The following FIG4 variants were observed in gnomAD, a reference collection of about 807,000 sequenced individuals.
FIG4 encodes the protein polyphosphoinositide phosphatase.
Under a neutral mutation model 118.6 loss-of-function variants are expected in FIG4, and 112 were observed. The observed-to-expected ratio is 0.94, with a 90% CI of 0.81 to 1.11. The LOEUF (loss-of-function observed/expected upper bound fraction) is 1.11. Ranked by LOEUF, FIG4 falls within the 50% of genes least tolerant of loss-of-function variation. The pLI, the probability that FIG4 is intolerant of heterozygous loss-of-function variation, is 0.00. For synonymous variants in FIG4, 369 were observed against 381.2 expected (o/e 0.97, Z 0.37); for missense variants, 969 against 1,111.7 (o/e 0.87, Z 1.83).
chr6:109,802,900 C>T lies in FIG4; in HGVS notation c.2546+6049C>T, dbSNP rs1562692906. On this transcript the variant is annotated intron_variant, in intron 22 of 22. Transcript: ENST00000230124. ...CAGCTGAAAGTCAAAATGAAAAAAC[C>T]TTTTTTTTTGTTTTGTTTTTACAAT... 4.6e-5 allele frequency among the ~76,000 whole-genome samples: 7 copies of T among 151,318 alleles called. No individual in the cohort carries two copies. The South Asian group carries it at 1.5e-3, about 32-fold the overall frequency.
intron 8 of FIG4, among the ~76,000 whole-genome samples, chr6:109,742,618 A>G (rs940991727): frequency 6.6e-6 from 1 of 152,154 alleles, no homozygotes; most frequent in African/African-American, 2.4e-5. Flanking sequence ...ACATGTTATT[A>G]CTGCCTCTAA....
In FIG4 at chr6:109,825,158, A is replaced by G. The variant is rs199765196; in HGVS notation, c.2617A>G (p.Thr873Ala). The G allele has an allele frequency of 3.7e-6, 6 of 1,614,014 alleles. No individual in the cohort carries two copies. Among genetic ancestry groups the G allele is most frequent in the South Asian group, 1.1e-5 (1 of 91,084 alleles). ...GCCCCCAAGAGTAGACAGAAAATCTACAGAGATCTTCCAAGCCCACATCCA... is the reference window on the plus strand; with the variant it reads ...GCCCCCAAGAGTAGACAGAAAATCTGCAGAGATCTTCCAAGCCCACATCCA... The part of the protein sequence containing the change: ...VQPPRVDRKS[T>A]EIFQAHIQAS... The change falls in exon 23 of 23, where the codon ACA becomes GCA. Residue 873 changes from threonine (T) to alanine (A), a missense_variant. Transcript: ENST00000230124.
chr6:109,691,613 C>T, intron 1 of FIG4, 112 bp downstream of exon 1: 1 of 992,512 alleles, frequency 1.0e-6, no homozygotes, highest in Non-Finnish European at 1.6e-6. Context: ...TCTCCAGTTC[C>T]CAAATCCCTG....
chr6:109,705,601 G>A (rs1287438745), intron 1 of FIG4, among the ~76,000 whole-genome samples: 1 of 152,234 alleles, frequency 6.6e-6, no homozygotes, highest in African/African-American at 2.4e-5. Context: ...GAAGGATCTA[G>A]ATATTGGAAG....
chr6:109,804,185 G>C (rs769905660), intron 22 of FIG4, among the ~76,000 whole-genome samples: 1 of 151,980 alleles, frequency 6.6e-6, no homozygotes, highest in East Asian at 1.9e-4. Flanking sequence ...TCATATGAGG[G>C]GTATTACTCA....
intron 6 of FIG4, among the ~76,000 whole-genome samples, chr6:109,736,470 C>G (rs968063188): frequency 1.3e-5 from 2 of 152,140 alleles, no homozygotes; most frequent in Admixed American, 1.3e-4. Context: ...TTCAGACACT[C>G]TGGTGGTAAC....
chr6:109,815,496 C>CGGGGGGGGGGGGGGGG, intron 22 of FIG4, among the ~76,000 whole-genome samples: 1 of 106,522 alleles, frequency 9.4e-6, no homozygotes, highest in East Asian at 2.6e-4. Flanking sequence ...CTCCAGGCTG[C>CGGGGGGGGGGGGGGGG]CCCCCCCACC....
intron 22 of FIG4, among the ~76,000 whole-genome samples, chr6:109,822,263 G>A (rs1264667597): frequency 6.6e-6 from 1 of 152,030 alleles, no homozygotes; most frequent in African/African-American, 2.4e-5. Context: ...GGGCTTTTGG[G>A]TTGGTTGTCA....
rs769256280 is a variant in FIG4, at chr6:109,732,667, A to G, written c.477A>G (p.Leu159=). The G allele has an allele frequency of 8.5e-6, 13 of 1,531,394 alleles. No homozygotes were observed. In the East Asian group the frequency reaches 1.8e-4, roughly 21 times the overall value. 94.9% of individuals were successfully genotyped at this position (1,531,394 alleles called of 1,614,324 possible). A position where few individuals can be genotyped will look rare whatever the true frequency, so the allele number is the denominator to read the frequency against. The change falls in exon 5 of 23, where the codon CTA becomes CTG. Residue 159 remains leucine, a synonymous_variant. Coordinates refer to ENST00000230124, the MANE Select transcript of FIG4 (RefSeq NM_014845.6). ...TACGAATATTTCAAAATGTGGACCT[A>G]TCTAGCAATTTTTACTTTAGGTAAG... is the stretch of plus-strand genomic sequence containing the variant. ...RYLRIFQNVD[L]SSNFYFSYSY... is the part of the protein sequence containing the mutation.
intron 10 of FIG4, among the ~76,000 whole-genome samples, chr6:109,755,513 A>T (rs1776861403): frequency 6.6e-6 from 1 of 152,170 alleles, no homozygotes; most frequent in Non-Finnish European, 1.5e-5. Flanking sequence ...TGTGACGTTG[A>T]TCTGTCTAAT....
At chr6:109,762,006 A>G (rs771098335) in intron 11 of FIG4, 85 bp from the exon 12 acceptor site, 16 of 809,918 alleles carry the variant, frequency 2.0e-5, no homozygotes, top group South Asian at 4.2e-5. Context: ...TATCATTGCT[A>G]TAGACTTTAC....
chr6:109,734,256 A>G (rs1776095010), intron 5 of FIG4, among the ~76,000 whole-genome samples: 1 of 151,724 alleles, frequency 6.6e-6, no homozygotes, highest in Non-Finnish European at 1.5e-5. Flanking sequence ...AAAATATTCA[A>G]AATACCTTCT....
At chr6:109,771,253 T>A (rs1777450079) in intron 15 of FIG4, among the ~76,000 whole-genome samples, 1 of 152,138 alleles carries the variant, frequency 6.6e-6, no homozygotes, top group African/African-American at 2.4e-5. Context: ...AGTTTGTAAT[T>A]TATTACTCTT....
At chr6:109,822,783 G>A (rs1275703068) in intron 22 of FIG4, among the ~76,000 whole-genome samples, 4 of 120,664 alleles carry the variant, frequency 3.3e-5, no homozygotes, top group African/African-American at 1.1e-4. Context: ...GTGTGTGTGT[G>A]TATGTATATA....
chr6:109,731,510 C>G (rs1583659593), intron 4 of FIG4, among the ~76,000 whole-genome samples: 1 of 152,230 alleles, frequency 6.6e-6, no homozygotes, highest in East Asian at 1.9e-4. Flanking sequence ...ATGGGTTCCA[C>G]CTCTGTGAAT....
At chr6:109,761,246 A>C (rs1196747464) in intron 11 of FIG4, among the ~76,000 whole-genome samples, 1 of 152,168 alleles carries the variant, frequency 6.6e-6, no homozygotes, top group South Asian at 2.1e-4. Flanking sequence ...GCTTGAGTGC[A>C]GTGGTACGAT....
At chr6:109,787,954 A>G (rs1010980318) in intron 18 of FIG4, among the ~76,000 whole-genome samples, 29 of 152,216 alleles carry the variant, frequency 1.9e-4, no homozygotes, top group African/African-American at 5.1e-4. Flanking sequence ...CAGCTTTACA[A>G]TGGTGCAAAA....
intron 22 of FIG4, among the ~76,000 whole-genome samples, chr6:109,811,205 A>G (rs1778711590): frequency 6.6e-6 from 1 of 152,160 alleles, no homozygotes; most frequent in Admixed American, 6.5e-5. Context: ...GAGCTGTTTG[A>G]GTTGCTTCAG....
chr6:109,817,860 G>C (rs1778903076), intron 22 of FIG4, among the ~76,000 whole-genome samples: 1 of 152,202 alleles, frequency 6.6e-6, no homozygotes, highest in African/African-American at 2.4e-5. Context: ...GGCTGTGTTG[G>C]CCAGGGTTCA....
Sources: gnomAD v4.1 joint callset for allele counts (sites outside exome capture counted in the v4.1 genomes callset) on GRCh38, gnomAD v4.1.1 for gene constraint, MANE v1.5 for transcripts, NCBI Gene and HGNC (gene_info 2026-07-23, HGNC 2026-07-21) for gene names.